PDSS2: variants seen among roughly 807,000 people sequenced by gnomAD.
PDSS2 encodes the protein all trans-polyprenyl-diphosphate synthase PDSS2.
In PDSS2, 31 loss-of-function variants were observed where a neutral mutation model predicts 44.5. That is an observed-to-expected ratio of 0.70 (90% CI 0.52 to 0.94). PDSS2 has a LOEUF of 0.94. Among genes scored for constraint, PDSS2 ranks in the 40% least tolerant of loss-of-function variants. The pLI is 0.00. For missense variants in PDSS2, 452 were observed against 482.2 expected (o/e 0.94, Z 0.59); for synonymous variants, 157 against 180.3 (o/e 0.87, Z 1.03).
intron 2 of PDSS2, among the ~76,000 whole-genome samples, chr6:107,309,212 T>C (rs1032970241): frequency 3.3e-5 from 5 of 152,222 alleles, no homozygotes; most frequent in African/African-American, 9.7e-5. Context: ...GTCAAGTCAT[T>C]ATACTTCCTA....
At chr6:107,403,471 C>T (rs1418957036) in intron 1 of PDSS2, among the ~76,000 whole-genome samples, 1 of 152,248 alleles carries the variant, frequency 6.6e-6, no homozygotes. Flanking sequence ...TGACCCTCTT[C>T]TCACAGCTCC....
chr6:107,157,268 T>TC (rs1166215309), intron 7 of PDSS2, among the ~76,000 whole-genome samples: 1 of 151,506 alleles, frequency 6.6e-6, no homozygotes, highest in Non-Finnish European at 1.5e-5. Context: ...CACTGCAACT[T>TC]CCAGTTCCCC....
At chr6:107,158,324 A>G (rs1770987910) in intron 7 of PDSS2, among the ~76,000 whole-genome samples, 1 of 151,562 alleles carries the variant, frequency 6.6e-6, no homozygotes, top group Non-Finnish European at 1.5e-5. Context: ...AGCTGGGATT[A>G]CAGGCGCCTA....
At position 107,237,907 on chromosome 6, in the gene PDSS2, A is replaced by G. The variant is rs568910230; in HGVS notation, c.702+7641T>C. 2.0e-5 allele frequency among the ~76,000 whole-genome samples: 3 copies of G among 151,948 alleles called. No individual in the cohort carries two copies. In the East Asian group the frequency reaches 5.8e-4, roughly 29 times the overall value. The stretch of plus-strand genomic sequence containing the variant: ...CAAGACTCCGTCTCTGAAAAAAAAA[A>G]AAAAAAAAGAAAAGAAAATAAATGG... On this transcript the variant is annotated intron_variant, in intron 4 of 7. Coordinates refer to ENST00000369037, the MANE Select transcript of PDSS2 (RefSeq NM_020381.4).
intron 1 of PDSS2, among the ~76,000 whole-genome samples, chr6:107,402,453 C>CGT (rs1780141450): frequency 1.5e-4 from 1 of 6,596 alleles, no homozygotes; most frequent in Non-Finnish European, 1.0e-3. Flanking sequence ...CACACACACA[C>CGT]ATATATATAC....
chr6:107,378,672 G>A (rs577513939), intron 1 of PDSS2, among the ~76,000 whole-genome samples: 1 of 152,274 alleles, frequency 6.6e-6, no homozygotes, highest in African/African-American at 2.4e-5. Flanking sequence ...TGTAATCCCA[G>A]CTACTGAAGG....
At chr6:107,167,995 G>A (rs1037070061) in intron 7 of PDSS2, among the ~76,000 whole-genome samples, 10 of 152,084 alleles carry the variant, frequency 6.6e-5, no homozygotes, top group East Asian at 5.8e-4. Flanking sequence ...TATTAGGTCC[G>A]CTTGGTGCAG....
chr6:107,383,919 A>G (rs958247570), intron 1 of PDSS2, among the ~76,000 whole-genome samples: 2 of 152,274 alleles, frequency 1.3e-5, no homozygotes, highest in Non-Finnish European at 2.9e-5. Flanking sequence ...CTCTACATAT[A>G]CACCAAAGAG....
chr6:107,225,137 T>TTATATATATATATA (rs1554256031), intron 4 of PDSS2, among the ~76,000 whole-genome samples: 1 of 62,394 alleles, frequency 1.6e-5, no homozygotes, highest in African/African-American at 9.7e-5. Context: ...ATATATATTT[T>TTATATATATATATA]TATATATATA....
chr6:107,294,041 C>G (rs926083465), intron 2 of PDSS2, among the ~76,000 whole-genome samples: 2 of 151,992 alleles, frequency 1.3e-5, no homozygotes, highest in Non-Finnish European at 2.9e-5. Flanking sequence ...AGGCTGCATG[C>G]TAAATGGGGC....
chr6:107,171,063 A>G (rs1304164791), intron 7 of PDSS2, among the ~76,000 whole-genome samples: 1 of 152,206 alleles, frequency 6.6e-6, no homozygotes, highest in Non-Finnish European at 1.5e-5. Flanking sequence ...TCCCAGGACC[A>G]CCTGTTAGAG....
intron 7 of PDSS2, among the ~76,000 whole-genome samples, chr6:107,172,792 T>C (rs1463560736): frequency 5.9e-5 from 9 of 151,894 alleles, no homozygotes; most frequent in African/African-American, 1.7e-4. Context: ...TCTTCTTCTT[T>C]TTTTTTTAAA....
chr6:107,160,600 C>A (rs1397681134), intron 7 of PDSS2, among the ~76,000 whole-genome samples: 1 of 152,036 alleles, frequency 6.6e-6, no homozygotes, highest in Non-Finnish European at 1.5e-5. Flanking sequence ...GATCCTCCTG[C>A]CCCTCGCCTC....
At chr6:107,317,471 C>T (rs1305761332) in intron 2 of PDSS2, among the ~76,000 whole-genome samples, 1 of 152,090 alleles carries the variant, frequency 6.6e-6, no homozygotes, top group Non-Finnish European at 1.5e-5. Flanking sequence ...GAAATAAAGG[C>T]TTCTTCTGTA....
intron 5 of PDSS2, among the ~76,000 whole-genome samples, chr6:107,211,527 C>G (rs565997831): frequency 1.3e-5 from 2 of 151,466 alleles, no homozygotes; most frequent in African/African-American, 2.4e-5. Context: ...GTCAGGAATT[C>G]GAGACCATCC....
intron 1 of PDSS2, among the ~76,000 whole-genome samples, chr6:107,368,146 A>G (rs1466413105): frequency 6.6e-6 from 1 of 150,942 alleles, no homozygotes; most frequent in Non-Finnish European, 1.5e-5. Context: ...GTTTGCGCCT[A>G]TAGTCCCAGC....
intron 1 of PDSS2, among the ~76,000 whole-genome samples, chr6:107,436,578 T>C (rs1436778728): frequency 6.6e-6 from 1 of 152,208 alleles, no homozygotes; most frequent in Non-Finnish European, 1.5e-5. Flanking sequence ...TCTATTTGGT[T>C]ATACTTCTTA....
intron 7 of PDSS2, among the ~76,000 whole-genome samples, chr6:107,174,987 G>C (rs989963292): frequency 6.6e-6 from 1 of 152,110 alleles, no homozygotes; most frequent in Non-Finnish European, 1.5e-5. Flanking sequence ...GGCCAAGGTG[G>C]GTGGATCATG....
chr6:107,381,740 C>T (rs1379326630), intron 1 of PDSS2, among the ~76,000 whole-genome samples: 1 of 152,056 alleles, frequency 6.6e-6, no homozygotes, highest in Non-Finnish European at 1.5e-5. Context: ...ATATTTCATC[C>T]TACTTATAAA....
Sources: allele counts gnomAD v4.1 joint callset (sites outside exome capture counted in the v4.1 genomes callset), GRCh38; gene constraint gnomAD v4.1.1; transcripts MANE v1.5; gene names NCBI Gene and HGNC (gene_info 2026-07-23, HGNC 2026-07-21).